INPP5A: variants seen among roughly 807,000 people sequenced by gnomAD.
INPP5A encodes inositol polyphosphate-5-phosphatase A.
Under a neutral mutation model 65.2 loss-of-function variants are expected in INPP5A, and 14 were observed. The ratio of observed to expected loss-of-function variants is 0.21; its 90% CI spans 0.14 to 0.34. The LOEUF (loss-of-function observed/expected upper bound fraction) is 0.34. INPP5A is among the 10% of genes least tolerant of loss of function. The pLI, the probability that INPP5A is intolerant of heterozygous loss-of-function variation, is 1.00. For missense variants in INPP5A, 431 were observed against 545.6 expected (o/e 0.79, Z 2.09); for synonymous variants, 207 against 208.3 (o/e 0.99, Z 0.05).
intron 8 of INPP5A, among the ~76,000 whole-genome samples, chr10:132,716,703 G>T (rs902281403): frequency 6.6e-6 from 1 of 152,242 alleles, no homozygotes; most frequent in African/African-American, 2.4e-5. Flanking sequence ...GGTCCTGGAG[G>T]TTGAGGCACT....
At chr10:132,602,921 G>A (rs546817569) in intron 1 of INPP5A, among the ~76,000 whole-genome samples, 12 of 152,162 alleles carry the variant, frequency 7.9e-5, no homozygotes, top group Non-Finnish European at 1.5e-4. Context: ...TTTCTACCAC[G>A]ATGACAGCAA....
intron 8 of INPP5A, among the ~76,000 whole-genome samples, chr10:132,719,398 G>A: frequency 6.6e-6 from 1 of 150,480 alleles, no homozygotes. Context: ...TGGTACCTGG[G>A]TTCTGTCTGG....
chr10:132,744,547 C>T (rs530264411), intron 9 of INPP5A, among the ~76,000 whole-genome samples: 2 of 152,254 alleles, frequency 1.3e-5, no homozygotes, highest in East Asian at 1.9e-4. Flanking sequence ...TTTAGGGGGT[C>T]TCAGTTTGGA....
chr10:132,646,826 C>T (rs1209249338), intron 3 of INPP5A, among the ~76,000 whole-genome samples: 2 of 152,166 alleles, frequency 1.3e-5, no homozygotes, highest in South Asian at 2.1e-4. Flanking sequence ...TGTGGGCCGA[C>T]GCTGCTGCCA....
intron 2 of INPP5A, among the ~76,000 whole-genome samples, chr10:132,636,386 T>C (rs1377706447): frequency 6.6e-6 from 1 of 152,046 alleles, no homozygotes; most frequent in Non-Finnish European, 1.5e-5. Flanking sequence ...ACGATTCGAG[T>C]GGTGGTTACA....
chr10:132,777,858 C>T, intron 13 of INPP5A, 76 bp downstream of exon 13: 1 of 1,563,100 alleles, frequency 6.4e-7, no homozygotes, highest in East Asian at 2.4e-5. Context: ...GCCCTGGTGA[C>T]AGGGCCCCAG....
chr10:132,666,812 G>A (rs749725647), intron 4 of INPP5A, among the ~76,000 whole-genome samples: 7 of 152,194 alleles, frequency 4.6e-5, no homozygotes, highest in Non-Finnish European at 1.0e-4. Context: ...AGACCTTCTC[G>A]GCAGGCTACC....
chr10:132,720,078 G>T (rs1208135443), intron 8 of INPP5A, among the ~76,000 whole-genome samples: 1 of 138,872 alleles, frequency 7.2e-6, no homozygotes, highest in Admixed American at 7.2e-5. Context: ...CTGTCTGGGC[G>T]CCTTAGACGG....
At chr10:132,638,009 A>G (rs573240210) in intron 2 of INPP5A, among the ~76,000 whole-genome samples, 1 of 152,020 alleles carries the variant, frequency 6.6e-6, no homozygotes, top group South Asian at 2.1e-4. Context: ...TTGTGTTGGT[A>G]TTGCAAAGTC....
At position 132,676,335 on chromosome 10, in the gene INPP5A, C is replaced by T. The variant is rs766071067; in HGVS notation, c.307-14057C>T. 4.6e-5 allele frequency among the ~76,000 whole-genome samples: 7 copies of T among 152,152 alleles called. No individual in the cohort carries two copies. The highest frequency in any genetic ancestry group is 7.2e-5 in the African/African-American group (3 of 41,428). The stretch of plus-strand genomic sequence containing the variant: ...TGAGACCTGCGGAAAGGCTCTGGGG[C>T]GTCACGTCTCCCTGTGGCCGAGGCT... On this transcript the variant is annotated intron_variant, in intron 4 of 15. Coordinates refer to ENST00000368594, the MANE Select transcript of INPP5A (RefSeq NM_005539.5). The surrounding 1 kb of genome is among the most constrained non-coding windows in gnomAD (Gnocchi z 4.0).
In INPP5A at chr10:132,698,611, G is replaced by C. The variant is rs76263715; in HGVS notation, c.474+692G>C. On this transcript the variant is annotated intron_variant, in intron 6 of 15. Transcript: ENST00000368594. This position sits in a 1 kb window ranked among gnomAD's most constrained non-coding sequence, Gnocchi z 5.5. ...TCCCTGGCTGTGTAGTTAACCTGTC[G>C]AGGCAGCGTTTGCTGCTTTGCCCTT... Among the ~76,000 whole-genome samples, 1 of 152,336 alleles carries C rather than the reference G, an allele frequency of 6.6e-6. No homozygotes were observed. Among genetic ancestry groups the C allele is most frequent in the South Asian group, 2.1e-4 (1 of 4,826 alleles).
At chr10:132,657,156 T>A (rs2133409869) in intron 4 of INPP5A, among the ~76,000 whole-genome samples, 1 of 152,342 alleles carries the variant, frequency 6.6e-6, no homozygotes, top group East Asian at 1.9e-4. Context: ...CTCAAGGCTC[T>A]TGGGCTCGGA....
chr10:132,572,205 T>C (rs1236456606), intron 1 of INPP5A, among the ~76,000 whole-genome samples: 5 of 152,154 alleles, frequency 3.3e-5, no homozygotes, highest in African/African-American at 1.2e-4. Context: ...GGAGGGACCA[T>C]TGTGATACTC....
intron 9 of INPP5A, among the ~76,000 whole-genome samples, chr10:132,731,483 G>C (rs547081500): frequency 1.3e-5 from 2 of 152,152 alleles, no homozygotes; most frequent in Non-Finnish European, 2.9e-5. Flanking sequence ...GGGAGTGACC[G>C]CATCCCTCCT....
intron 4 of INPP5A, among the ~76,000 whole-genome samples, chr10:132,654,287 C>CG (rs2072620904): frequency 6.6e-6 from 1 of 152,262 alleles, no homozygotes; most frequent in Non-Finnish European, 1.5e-5. Context: ...CCCACAGCCA[C>CG]GGCCCTGAGT....
rs1030611129 is a variant in INPP5A, at chr10:132,707,928, G to T, written c.475-385G>T. Among the ~76,000 whole-genome samples the T allele has an allele frequency of 2.6e-5, 4 of 152,218 alleles. No homozygotes were observed. Among genetic ancestry groups the T allele is most frequent in the Admixed American group, 6.5e-5 (1 of 15,282 alleles). ...CCAGGACGCCTGGCTGGGCACGGCT[G>T]CTCAAGTCTTCCCTGTGGTCCAGCC... On this transcript the variant is annotated intron_variant, in intron 6 of 15. Transcript: ENST00000368594. This position sits in a 1 kb window ranked among gnomAD's most constrained non-coding sequence, Gnocchi z 5.5.
chr10:132,629,390 G>A (rs1345728602), intron 2 of INPP5A, among the ~76,000 whole-genome samples: 2 of 152,224 alleles, frequency 1.3e-5, no homozygotes, highest in Non-Finnish European at 2.9e-5. Context: ...CCCTGCAGCT[G>A]TTCAGTGTCT....
intron 2 of INPP5A, among the ~76,000 whole-genome samples, chr10:132,638,073 T>C (rs1169855100): frequency 1.3e-5 from 2 of 152,174 alleles, no homozygotes; most frequent in Admixed American, 6.5e-5. Context: ...CTGGGAGTTG[T>C]TCGTTCTCTG....
chr10:132,634,664 G>GT (rs527596794), intron 2 of INPP5A, among the ~76,000 whole-genome samples: 7 of 152,216 alleles, frequency 4.6e-5, no homozygotes, highest in African/African-American at 1.7e-4. Flanking sequence ...TGCCCAGTGT[G>GT]TTTTTTGTTA....
Sources: gnomAD v4.1 joint callset for allele counts (sites outside exome capture counted in the v4.1 genomes callset) on GRCh38, gnomAD v4.1.1 for gene constraint, Gnocchi (gnomAD v3.1) non-coding constraint, MANE v1.5 for transcripts, NCBI Gene and HGNC (gene_info 2026-07-23, HGNC 2026-07-21) for gene names.